BCL7C: variants seen among roughly 807,000 people sequenced by gnomAD.
BCL7C encodes BAF chromatin remodeling complex subunit BCL7C.
In BCL7C, 8 loss-of-function variants were observed where a neutral mutation model predicts 26.2. The ratio of observed to expected loss-of-function variants is 0.30; its 90% CI spans 0.18 to 0.55. BCL7C has a LOEUF of 0.55. Ranked by LOEUF, BCL7C falls within the 20% of genes least tolerant of loss-of-function variation. BCL7C has a pLI of 0.93. For missense variants in BCL7C, 262 were observed against 298.5 expected, an observed-to-expected ratio of 0.88 and a Z score of 0.90; for synonymous variants, 90 against 116.5, an observed-to-expected ratio of 0.77 and a Z score of 1.47.
chr16:30,843,289 C>T (rs182298346), intron 5 of BCL7C, among the ~76,000 whole-genome samples: 2 of 152,210 alleles, frequency 1.3e-5, no homozygotes, highest in African/African-American at 4.8e-5. Flanking sequence ...GGCTGGGTGC[C>T]GTGACTCATG....
intron 5 of BCL7C, among the ~76,000 whole-genome samples, chr16:30,841,131 G>A (rs2054599274): frequency 6.6e-6 from 1 of 152,178 alleles, no homozygotes; most frequent in African/African-American, 2.4e-5. Flanking sequence ...AGACTGACTT[G>A]AGGAAAGATG....
intron 5 of BCL7C, among the ~76,000 whole-genome samples, 190 bp from the exon 6 acceptor site, chr16:30,888,180 C>T (rs1054198066): frequency 2.6e-5 from 4 of 152,172 alleles, no homozygotes; most frequent in Non-Finnish European, 4.4e-5. Context: ...TGTGGAGGAA[C>T]GAACCTGATA....
chr16:30,866,281 G>C (rs1176596786), intron 5 of BCL7C, among the ~76,000 whole-genome samples: 1 of 152,076 alleles, frequency 6.6e-6, no homozygotes, highest in Non-Finnish European at 1.5e-5. Context: ...ACACTAGCAG[G>C]TTAGCAAAGG....
At chr16:30,868,449 T>C (rs970344351) in intron 5 of BCL7C, among the ~76,000 whole-genome samples, 1 of 149,180 alleles carries the variant, frequency 6.7e-6, no homozygotes, top group Non-Finnish European at 1.5e-5. Context: ...ATCTGTGTTG[T>C]TTTAAGCTAC....
At position 30,834,994 on chromosome 16, in the gene BCL7C, T is replaced by G. The variant is rs749764208; in HGVS notation, c.683A>C (p.Lys228Thr). Residue 228 changes from lysine to threonine, a missense_variant, in exon 6 of 6, where the codon AAG becomes ACG. Lys to Thr is a moderately conservative substitution (Grantham distance 78). Transcript: ENST00000380317. The surrounding 1 kb of genome is among the most constrained non-coding windows in gnomAD (Gnocchi z 4.3). ...GATTGTTCTGGGTGCCCTCGGGGCCTTGCTGCCTCCCCCGGGAGCTCTGGT... is the reference window on the plus strand; with the variant it reads ...GATTGTTCTGGGTGCCCTCGGGGCCGTGCTGCCTCCCCCGGGAGCTCTGGT... 6.5e-7 allele frequency: 1 copy of G among 1,548,182 alleles called. No individual in the cohort carries two copies. The highest frequency in any genetic ancestry group is 1.2e-5 in the South Asian group (1 of 83,880).
At chr16:30,888,633 C>G (rs1443804125) in intron 5 of BCL7C, 1 of 384,540 alleles carries the variant, frequency 2.6e-6, no homozygotes, top group Non-Finnish European at 4.7e-6. Flanking sequence ...CCACGCCCAG[C>G]TTTGTCAGGC....
intron 5 of BCL7C, among the ~76,000 whole-genome samples, chr16:30,873,009 T>C (rs1465961579): frequency 2.0e-5 from 3 of 152,204 alleles, no homozygotes; most frequent in African/African-American, 7.2e-5. Flanking sequence ...TCTGACAAAT[T>C]TGTGGACCAC....
At position 30,887,933 on chromosome 16, in the gene BCL7C, C is replaced by G. The variant is rs1232211580; in HGVS notation, c.586G>C (p.Gly196Arg). The G allele has an allele frequency of 6.2e-7, 1 of 1,606,480 alleles. No homozygotes were observed. The highest frequency in any genetic ancestry group is 8.5e-7 in the Non-Finnish European group (1 of 1,176,840). ...PVPPVPEAAQ[G>R]DTEDSEGAPP... Reference sequence around the variant, plus strand: ...GCACCCTCCGAGTCCTCTGTGTCACCCTGGGCTGCCTCAGGGACAGGTGGC... The same window carrying G: ...GCACCCTCCGAGTCCTCTGTGTCACGCTGGGCTGCCTCAGGGACAGGTGGC... The change falls in exon 6 of 6, where the codon GGT (glycine) becomes CGT (arginine). Residue 196 changes from glycine (G) to arginine (R), a missense_variant. Transcript: ENST00000215115.
In BCL7C at chr16:30,887,795, T is replaced by C. The variant is rs1361029519; in HGVS notation, c.*70A>G. Reference sequence around the variant, plus strand: ...GACGGGGAAATGACATGACACAAAATTACAAAAGGGTCTTTATTTGTAAAA... The same window carrying C: ...GACGGGGAAATGACATGACACAAAACTACAAAAGGGTCTTTATTTGTAAAA... On this transcript the variant is annotated 3_prime_UTR_variant, in exon 6 of 6. Transcript: ENST00000215115. 5.3e-6 allele frequency: 8 copies of C among 1,512,894 alleles called. No homozygotes were observed. Among genetic ancestry groups the C allele is most frequent in the Non-Finnish European group, 7.0e-6 (8 of 1,136,186 alleles). The allele number at this position is 1,512,894 out of a possible 1,614,324, so 93.7% of individuals were successfully genotyped here. A position where few individuals can be genotyped will look rare whatever the true frequency, so the allele number is the denominator to read the frequency against.
chr16:30,880,965 G>C (rs544521282), intron 5 of BCL7C, among the ~76,000 whole-genome samples: 2 of 152,156 alleles, frequency 1.3e-5, no homozygotes, highest in South Asian at 4.2e-4. Context: ...GCCTCCCAGT[G>C]AGCCACCGCA....
intron 5 of BCL7C, among the ~76,000 whole-genome samples, chr16:30,879,721 G>A (rs2055013523): frequency 2.4e-5 from 1 of 41,954 alleles, no homozygotes; most frequent in African/African-American, 5.7e-5. Flanking sequence ...TGGGCACGGT[G>A]GCTCACATCT....
intron 5 of BCL7C, chr16:30,875,304 C>T (rs1348046782): frequency 6.5e-6 from 1 of 154,140 alleles, no homozygotes; most frequent in Non-Finnish European, 1.5e-5. Context: ...GACAGTGCAG[C>T]CCTGCGCACT....
chr16:30,863,672 C>A (rs894999095), intron 5 of BCL7C, among the ~76,000 whole-genome samples: 4 of 152,178 alleles, frequency 2.6e-5, no homozygotes, highest in African/African-American at 9.7e-5. Context: ...TACTCTCCCA[C>A]TGAAACTTTC....
Position 30,892,875 on chromosome 16 carries a change from C to A in BCL7C, c.245G>T (p.Arg82Leu). 6.2e-7 allele frequency: 1 copy of A among 1,612,926 alleles called. No homozygotes were observed. Among genetic ancestry groups the A allele is most frequent in the Non-Finnish European group, 8.5e-7 (1 of 1,179,978 alleles). ...CAGCAGGATGAGAGGGCCACCCCCT[C>A]GGGGACTGGCGCCCCTGCCCCGACG... is the stretch of plus-strand genomic sequence containing the variant. ...RERRGRGASP[R>L]GGGPLILLDL... The change falls in exon 3 of 6, where the codon CGA (arginine) becomes CTA (leucine). Residue 82 changes from arginine to leucine, a missense_variant. Coordinates refer to ENST00000215115, the MANE Select transcript of BCL7C (RefSeq NM_004765.4).
chr16:30,853,286 T>G (rs1480955805), intron 5 of BCL7C, among the ~76,000 whole-genome samples: 1 of 152,164 alleles, frequency 6.6e-6, no homozygotes, highest in African/African-American at 2.4e-5. Context: ...TAAACTTTTT[T>G]GTTAAAAACT....
intron 5 of BCL7C, among the ~76,000 whole-genome samples, chr16:30,862,797 C>T (rs2054789756): frequency 6.6e-6 from 1 of 152,130 alleles, no homozygotes; most frequent in African/African-American, 2.4e-5. Flanking sequence ...GTTTTGCCAT[C>T]CTAACTAAAT....
chr16:30,836,691 G>C (rs2054571490), intron 5 of BCL7C, among the ~76,000 whole-genome samples: 4 of 151,934 alleles, frequency 2.6e-5, no homozygotes, highest in South Asian at 4.2e-4. Context: ...GCTCAGGCTG[G>C]TCTTGAATTT....
chr16:30,872,222 G>C (rs770443483), intron 5 of BCL7C, among the ~76,000 whole-genome samples: 7 of 152,082 alleles, frequency 4.6e-5, no homozygotes, highest in Non-Finnish European at 1.0e-4. Context: ...GGGAGAGAGG[G>C]AGTCATGGTG....
intron 5 of BCL7C, among the ~76,000 whole-genome samples, chr16:30,869,214 TA>T (rs2054860454): frequency 6.6e-6 from 1 of 152,154 alleles, no homozygotes; most frequent in Non-Finnish European, 1.5e-5. Flanking sequence ...TTCATTATTT[TA>T]TTTTGTTTTT....
Sources: gnomAD v4.1 joint callset for allele counts (sites outside exome capture counted in the v4.1 genomes callset) on GRCh38, gnomAD v4.1.1 for gene constraint, Gnocchi (gnomAD v3.1) non-coding constraint, MANE v1.5 for transcripts, NCBI Gene and HGNC (gene_info 2026-07-23, HGNC 2026-07-21) for gene names.